Variants in PARVB observed in about 807,000 individuals in gnomAD.
The protein encoded by PARVB is beta-parvin.
Under a neutral mutation model 47.0 loss-of-function variants are expected in PARVB, and 46 were observed. The ratio of observed to expected loss-of-function variants is 0.98; its 90% CI spans 0.77 to 1.25. PARVB has a LOEUF of 1.25. PARVB is among the 50% of genes most tolerant of loss of function. The probability of loss-of-function intolerance (pLI) is 0.00; values close to 1 mark genes in which losing one functional copy is unlikely to be tolerated. For synonymous variants in PARVB, 196 were observed against 196.3 expected (o/e 1.00, Z 0.01); for missense variants, 473 against 471.6 (o/e 1.00, Z -0.03).
At chr22:44,009,697 ATTAT>A (rs1255032307) in intron 2 of PARVB, among the ~76,000 whole-genome samples, 1 of 151,328 alleles carries the variant, frequency 6.6e-6, no homozygotes, top group Non-Finnish European at 1.5e-5. Flanking sequence ...TATATAAACC[ATTAT>A]TTAACCCTTT....
chr22:44,001,907 G>A (rs2050416614), intron 2 of PARVB, among the ~76,000 whole-genome samples: 1 of 152,234 alleles, frequency 6.6e-6, no homozygotes, highest in Non-Finnish European at 1.5e-5. Context: ...AGCAGCAGAA[G>A]TGTTCTCTGC....
intron 1 of PARVB, among the ~76,000 whole-genome samples, chr22:44,083,815 A>G (rs1469043798): frequency 6.6e-6 from 1 of 152,128 alleles, no homozygotes. Flanking sequence ...CATGGGGTGC[A>G]CTGCAGCAGG....
At chr22:44,042,983 C>G (rs184282638) in intron 1 of PARVB, among the ~76,000 whole-genome samples, 1 of 152,074 alleles carries the variant, frequency 6.6e-6, no homozygotes, top group African/African-American at 2.4e-5. Flanking sequence ...CTGTGGTTGC[C>G]GTGGAGTGGA....
At chr22:44,128,607 A>G (rs1331991075) in intron 4 of PARVB, among the ~76,000 whole-genome samples, 2 of 152,158 alleles carry the variant, frequency 1.3e-5, no homozygotes, top group East Asian at 3.8e-4. Flanking sequence ...TTCAAGTCCT[A>G]CATGCAGGGC....
intron 1 of PARVB, among the ~76,000 whole-genome samples, chr22:44,066,200 A>G (rs1373157496): frequency 6.6e-6 from 1 of 152,198 alleles, no homozygotes; most frequent in Non-Finnish European, 1.5e-5. Context: ...TTTTTCTGAA[A>G]TACTTTGTCT....
At chr22:44,086,966 C>T in intron 1 of PARVB, 1 of 351,034 alleles carries the variant, frequency 2.8e-6, no homozygotes, top group Non-Finnish European at 4.0e-6. Flanking sequence ...GGAAGAGGAG[C>T]TGGTGGCGTG....
intron 1 of PARVB, among the ~76,000 whole-genome samples, chr22:44,092,880 G>T (rs1277007973): frequency 6.6e-6 from 1 of 152,200 alleles, no homozygotes; most frequent in African/African-American, 2.4e-5. Flanking sequence ...GGTGTTCAAG[G>T]TTCAAGGTGA....
Position 44,169,462 on chromosome 22 carries a change from A to G in PARVB, c.*784A>G, listed in dbSNP as rs1205088297. 1 of 150,078 alleles carries G rather than the reference A, an allele frequency of 6.7e-6. No individual in the cohort carries two copies. The highest frequency in any genetic ancestry group is 1.5e-5 in the Non-Finnish European group (1 of 68,056). The allele number at this position is 150,078 out of a possible 1,614,324, so 9.3% of individuals were successfully genotyped here. A position where few individuals can be genotyped will look rare whatever the true frequency, so the allele number is the denominator to read the frequency against. ...TGTGCTGCTTGAGACAGCTTGGGTC[A>G]CAGCTTTCCCCTTCAGAGGCCCTTT... On this transcript the variant is annotated 3_prime_UTR_variant, in exon 13 of 13. Transcript: ENST00000338758.
chr22:43,999,579 G>T (rs747376019), exon 2 of PARVB: 1 of 1,613,374 alleles, frequency 6.2e-7, no homozygotes, highest in South Asian at 1.1e-5. Flanking sequence ...GCTGGGGCCT[G>T]TGCTCCCAGG....
intron 4 of PARVB, among the ~76,000 whole-genome samples, chr22:44,123,860 G>T (rs1384177013): frequency 6.6e-6 from 1 of 152,236 alleles, no homozygotes; most frequent in Non-Finnish European, 1.5e-5. Context: ...TCTGTCCACT[G>T]GGAACCATGC....
chr22:44,100,293 C>G (rs1356218645), intron 3 of PARVB, among the ~76,000 whole-genome samples, 170 bp downstream of exon 3: 5 of 152,118 alleles, frequency 3.3e-5, no homozygotes, highest in Admixed American at 3.3e-4. Flanking sequence ...CAGAGAGGAT[C>G]CAGCCCGAAG....
rs1555912470 is a variant in PARVB, at chr22:44,154,904, G to GT, written c.844-3078_844-3077insT. 4.9e-3 allele frequency among the ~76,000 whole-genome samples: 687 copies of GT among 140,610 alleles called. 11 individuals carry two copies. Among genetic ancestry groups the GT allele is most frequent in the African/African-American group, 0.017 (647 of 37,490 alleles). 92.2% of individuals were successfully genotyped at this position (140,610 alleles called of 152,430 possible). A position where few individuals can be genotyped will look rare whatever the true frequency, so the allele number is the denominator to read the frequency against. On this transcript the variant is annotated intron_variant, in intron 10 of 12. Coordinates refer to ENST00000338758, the MANE Select transcript of PARVB (RefSeq NM_013327.5). Reference sequence around the variant, plus strand: ...GGTTTTTGTAGTCTGTGTAGTGTGTGGTGTGTGTGTGGTTTATGCAGTCTG... The same window carrying GT: ...GGTTTTTGTAGTCTGTGTAGTGTGTGTGTGTGTGTGTGGTTTATGCAGTCTG...
intron 1 of PARVB, chr22:44,081,459 G>T: frequency 3.8e-6 from 1 of 261,306 alleles, no homozygotes; most frequent in Non-Finnish European, 5.9e-6. Context: ...ACGACTTAAT[G>T]ATTTAATCTT....
chr22:44,058,847 G>A (rs569324870), intron 1 of PARVB, among the ~76,000 whole-genome samples: 9 of 151,948 alleles, frequency 5.9e-5, no homozygotes, highest in Admixed American at 3.9e-4. Flanking sequence ...GAGCCTCTGC[G>A]CCCATCGGAC....
At chr22:44,124,483 T>C (rs570572123) in intron 4 of PARVB, among the ~76,000 whole-genome samples, 176 of 152,290 alleles carry the variant, frequency 1.2e-3, no homozygotes, top group African/African-American at 3.8e-3. Flanking sequence ...TGGAAGGGTC[T>C]CCCCATGGGC....
chr22:44,156,854 G>A (rs1291479649), intron 10 of PARVB, among the ~76,000 whole-genome samples: 1 of 152,138 alleles, frequency 6.6e-6, no homozygotes, highest in Non-Finnish European at 1.5e-5. Context: ...CAGAATGATT[G>A]GTGGTTCTCA....
chr22:44,052,079 G>A (rs926850443), intron 1 of PARVB, among the ~76,000 whole-genome samples: 16 of 152,190 alleles, frequency 1.1e-4, no homozygotes, highest in Non-Finnish European at 1.5e-5. Context: ...GAGAATCGAC[G>A]TCTGTTGTTT....
chr22:44,022,908 C>T (rs902454199), upstream of PARVB, among the ~76,000 whole-genome samples: 18 of 151,750 alleles, frequency 1.2e-4, no homozygotes, highest in African/African-American at 1.7e-4. Flanking sequence ...CACCATGCCC[C>T]GATAATTTTT....
intron 2 of PARVB, among the ~76,000 whole-genome samples, chr22:44,010,223 G>T (rs1363998656): frequency 6.6e-6 from 1 of 152,122 alleles, no homozygotes; most frequent in Non-Finnish European, 1.5e-5. Flanking sequence ...ACATAAACTG[G>T]CACTCAGTAT....
Sources: allele counts gnomAD v4.1 joint callset (sites outside exome capture counted in the v4.1 genomes callset), GRCh38; gene constraint gnomAD v4.1.1; transcripts MANE v1.5; gene names NCBI Gene and HGNC (gene_info 2026-07-23, HGNC 2026-07-21).